Variants in KDM1B observed in about 807,000 individuals in gnomAD.
KDM1B encodes the protein lysine-specific histone demethylase 2.
Under a neutral mutation model 107.4 loss-of-function variants are expected in KDM1B, and 63 were observed. The ratio of observed to expected loss-of-function variants is 0.59; its 90% CI spans 0.48 to 0.72. The LOEUF (loss-of-function observed/expected upper bound fraction) is 0.72. Ranked by LOEUF, KDM1B falls within the 30% of genes least tolerant of loss-of-function variation. KDM1B has a pLI of 0.00. For synonymous variants in KDM1B, 363 were observed against 363.9 expected (o/e 1.00, Z 0.03); for missense variants, 749 against 1,020.8 (o/e 0.73, Z 3.63).
At position 18,223,138 on chromosome 6, in the gene KDM1B, A is replaced by G. The variant is rs1369037010; in HGVS notation, c.*1146A>G. 2.0e-5 allele frequency: 3 copies of G among 152,572 alleles called. No homozygotes were observed. Among genetic ancestry groups the G allele is most frequent in the Non-Finnish European group, 4.4e-5 (3 of 68,022 alleles). The allele number at this position is 152,572 out of a possible 1,614,324, so 9.5% of individuals were successfully genotyped here. A position where few individuals can be genotyped will look rare whatever the true frequency, so the allele number is the denominator to read the frequency against. On this transcript the variant is annotated 3_prime_UTR_variant, in exon 22 of 22. Transcript: ENST00000650836. ...CTATTTTGCCAAGAAACTTCAGTAT[A>G]CAGGTTAGAAATATGCTTTTGTTTT... is the stretch of plus-strand genomic sequence containing the variant.
chr6:18,195,994 C>T (rs918366211), intron 10 of KDM1B, among the ~76,000 whole-genome samples: 1 of 152,044 alleles, frequency 6.6e-6, no homozygotes, highest in South Asian at 2.1e-4. Flanking sequence ...CGCTATTCCC[C>T]CTCCCCTCAG....
Position 18,200,598 on chromosome 6 carries a change from G to A in KDM1B, c.1359+22G>A. ...ACAAGTGAGTTTCTTTTAGCTTTGT[G>A]TTGTAGATAAAGGAAAGAAAAACAG... On this transcript the variant is annotated intron_variant, in intron 13 of 21. Coordinates refer to ENST00000650836, the MANE Select transcript of KDM1B (RefSeq NM_001364614.2). The surrounding 1 kb of genome is among the most constrained non-coding windows in gnomAD (Gnocchi z 4.3). The A allele has an allele frequency of 6.3e-7, 1 of 1,598,978 alleles. No homozygotes were observed. Among genetic ancestry groups the A allele is most frequent in the Non-Finnish European group, 8.5e-7 (1 of 1,173,868 alleles).
rs1385624463 is a variant in KDM1B, at chr6:18,207,311, G to C, written c.1660-87G>C. 15 of 1,496,464 alleles carry C rather than the reference G, an allele frequency of 1.0e-5. No homozygotes were observed. The South Asian group carries it at 1.6e-4, about 16-fold the overall frequency. 92.7% of individuals were successfully genotyped at this position (1,496,464 alleles called of 1,614,324 possible). Reference sequence around the variant, plus strand: ...CCCCTGCCCTCCTGCCTTGGTGGCTGTTCCCACCTGGAGCTCCTCATATTG... The same window carrying C: ...CCCCTGCCCTCCTGCCTTGGTGGCTCTTCCCACCTGGAGCTCCTCATATTG... On this transcript the variant is annotated intron_variant, in intron 15 of 21. Transcript: ENST00000650836.
chr6:18,177,128 C>G (rs766448408), intron 7 of KDM1B, among the ~76,000 whole-genome samples: 5 of 152,028 alleles, frequency 3.3e-5, no homozygotes, highest in Non-Finnish European at 7.4e-5. Context: ...TTTTAATTAC[C>G]ATTTCAATCT....
Position 18,166,375 on chromosome 6 carries a change from C to T in KDM1B, c.414C>T (p.Tyr138=). 2 of 1,584,064 alleles carry T rather than the reference C, an allele frequency of 1.3e-6. No individual in the cohort carries two copies. Among genetic ancestry groups the T allele is most frequent in the Non-Finnish European group, 1.7e-6 (2 of 1,152,652 alleles). The change falls in exon 6 of 22, where the codon TAC becomes TAT. Residue 138 remains tyrosine, a synonymous_variant. Transcript: ENST00000650836. ...KAFMADQQLP[Y]WVQCTKPECR... ...TCATGGCAGACCAGCAACTCCCCTACTGGGTAAGGAGAGTGATGCTCTCTG... is the reference window on the plus strand; with the variant it reads ...TCATGGCAGACCAGCAACTCCCCTATTGGGTAAGGAGAGTGATGCTCTCTG...
At chr6:18,218,190 A>T (rs937944438) in intron 21 of KDM1B, among the ~76,000 whole-genome samples, 77 of 152,136 alleles carry the variant, frequency 5.1e-4, no homozygotes, top group Admixed American at 4.7e-3. Flanking sequence ...GTACAGTCCT[A>T]GCTCACTGCA....
chr6:18,214,684 T>G lies in KDM1B; in HGVS notation c.2110-323T>G, dbSNP rs1241165233. Among the ~76,000 whole-genome samples, 1 of 151,826 alleles carries G rather than the reference T, an allele frequency of 6.6e-6. No individual in the cohort carries two copies. The highest frequency in any genetic ancestry group is 6.6e-5 in the Admixed American group (1 of 15,234). The stretch of plus-strand genomic sequence containing the variant: ...CAGCACTTTGGGAGGCCGAGGTGGG[T>G]GGATCACCTGAGGTCAGGAGTTTGA... On this transcript the variant is annotated intron_variant, in intron 19 of 21. Coordinates refer to ENST00000650836, the MANE Select transcript of KDM1B (RefSeq NM_001364614.2). This position sits in a 1 kb window ranked among gnomAD's most constrained non-coding sequence, Gnocchi z 4.4.
At position 18,209,031 on chromosome 6, in the gene KDM1B, AT is replaced by A. The variant is rs1343551749; in HGVS notation, c.1866+832del. Reference sequence around the variant, plus strand: ...TTTACTTTTATTCTGTGCTCTCCACATTTTTTTAAACCACGGAATCCTTCTT... The same window carrying A: ...TTTACTTTTATTCTGTGCTCTCCACATTTTTTAAACCACGGAATCCTTCTT... On this transcript the variant is annotated intron_variant, in intron 17 of 21. Transcript: ENST00000650836. The surrounding 1 kb of genome is among the most constrained non-coding windows in gnomAD (Gnocchi z 4.3). Among the ~76,000 whole-genome samples the A allele has an allele frequency of 2.6e-5, 4 of 152,130 alleles. No individual in the cohort carries two copies. Among genetic ancestry groups the A allele is most frequent in the African/African-American group, 9.6e-5 (4 of 41,516 alleles).
chr6:18,162,827 AT>A lies in KDM1B; in HGVS notation c.216-4del. The A allele has an allele frequency of 6.5e-7, 1 of 1,537,838 alleles. No individual in the cohort carries two copies. The highest frequency in any genetic ancestry group is 9.0e-7 in the Non-Finnish European group (1 of 1,110,872). On this transcript the variant is annotated splice_region_variant and splice_polypyrimidine_tract_variant and intron_variant, in intron 4 of 21. Coordinates refer to ENST00000650836, the MANE Select transcript of KDM1B (RefSeq NM_001364614.2). The surrounding 1 kb of genome is among the most constrained non-coding windows in gnomAD (Gnocchi z 4.1). ...TTACCAAAGCTATATGTTTTTCACT[AT>A]TTTCAGATGTGCCAAAAATGGCTAC...
chr6:18,160,057 T>A, intron 3 of KDM1B, 75 bp downstream of exon 3: 1 of 966,622 alleles, frequency 1.0e-6, no homozygotes, highest in South Asian at 1.6e-5. Flanking sequence ...AGAATTAGAG[T>A]TGAAAAGATT....
rs1785318448 is a variant in KDM1B, at chr6:18,166,669, AG to A, written c.417+292del. On this transcript the variant is annotated intron_variant, in intron 6 of 21. Coordinates refer to ENST00000650836, the MANE Select transcript of KDM1B (RefSeq NM_001364614.2). The stretch of plus-strand genomic sequence containing the variant: ...CAAAGTGAGACCCTATCTCATAGTA[AG>A]ACCCCATCTTTACAAAAAAAAATTT... Among the ~76,000 whole-genome samples, 6 of 152,158 alleles carry A rather than the reference AG, an allele frequency of 3.9e-5. No homozygotes were observed. The South Asian group carries it at 1.2e-3, about 32-fold the overall frequency.
At position 18,205,778 on chromosome 6, in the gene KDM1B, G is replaced by C; in HGVS notation, c.1659+114G>C. ...GGAGGCCGAGGTGGGCAGATCATGAGGTCAGGAGATCGAGACCATCCTGGC... is the reference window on the plus strand; with the variant it reads ...GGAGGCCGAGGTGGGCAGATCATGACGTCAGGAGATCGAGACCATCCTGGC... On this transcript the variant is annotated intron_variant, in intron 15 of 21. Coordinates refer to ENST00000650836, the MANE Select transcript of KDM1B (RefSeq NM_001364614.2). This position sits in a 1 kb window ranked among gnomAD's most constrained non-coding sequence, Gnocchi z 5.7. 1 of 1,023,386 alleles carries C rather than the reference G, an allele frequency of 9.8e-7. No homozygotes were observed. The highest frequency in any genetic ancestry group is 2.1e-5 in the South Asian group (1 of 47,064). The allele number at this position is 1,023,386 out of a possible 1,614,324, so 63.4% of individuals were successfully genotyped here.
intron 8 of KDM1B, 37 bp from the exon 9 acceptor site, chr6:18,187,755 G>A: frequency 2.2e-6 from 3 of 1,372,918 alleles, no homozygotes; most frequent in Non-Finnish European, 3.0e-6. Context: ...TTTCTTGTCT[G>A]TCCTTGTCTC....
In KDM1B at chr6:18,171,540, G is replaced by A; in HGVS notation, c.534+61G>A. On this transcript the variant is annotated intron_variant, in intron 7 of 21. Coordinates refer to ENST00000650836, the MANE Select transcript of KDM1B (RefSeq NM_001364614.2). Reference sequence around the variant, plus strand: ...ATTAATGTAGTCAGTAAATAGTAATGGTGTATATGTTTTTCATGTATTGTG... The same window carrying A: ...ATTAATGTAGTCAGTAAATAGTAATAGTGTATATGTTTTTCATGTATTGTG... The A allele has an allele frequency of 3.4e-6, 3 of 894,068 alleles. No homozygotes were observed. In the South Asian group the frequency reaches 4.0e-5, roughly 12 times the overall value. The allele number at this position is 894,068 out of a possible 1,614,324, so 55.4% of individuals were successfully genotyped here.
At position 18,212,453 on chromosome 6, in the gene KDM1B, C is replaced by A; in HGVS notation, c.1867-35C>A. 1 of 1,238,330 alleles carries A rather than the reference C, an allele frequency of 8.1e-7. No homozygotes were observed. The highest frequency in any genetic ancestry group is 1.2e-6 in the Non-Finnish European group (1 of 837,226). The allele number at this position is 1,238,330 out of a possible 1,614,324, so 76.7% of individuals were successfully genotyped here. A position where few individuals can be genotyped will look rare whatever the true frequency, so the allele number is the denominator to read the frequency against. On this transcript the variant is annotated intron_variant, in intron 17 of 21. Coordinates refer to ENST00000650836, the MANE Select transcript of KDM1B (RefSeq NM_001364614.2). The surrounding 1 kb of genome is among the most constrained non-coding windows in gnomAD (Gnocchi z 5.2). The stretch of plus-strand genomic sequence containing the variant: ...GTAGTGGTAGTGTGAGGTTCTGTTG[C>A]TGTTTGTTTGTTAACTGTTAATTAT...
rs1186371704 is a variant in KDM1B, at chr6:18,209,819, G to T, written c.1866+1613G>T. ...CAAGTGATTCCAGTGTGCAGCCGTGGTTGAGAACCTTGTCTGCAGTGACCT... is the reference window on the plus strand; with the variant it reads ...CAAGTGATTCCAGTGTGCAGCCGTGTTTGAGAACCTTGTCTGCAGTGACCT... On this transcript the variant is annotated intron_variant, in intron 17 of 21. Coordinates refer to ENST00000650836, the MANE Select transcript of KDM1B (RefSeq NM_001364614.2). This position sits in a 1 kb window ranked among gnomAD's most constrained non-coding sequence, Gnocchi z 4.3. 6.6e-6 allele frequency among the ~76,000 whole-genome samples: 1 copy of T among 152,172 alleles called. No individual in the cohort carries two copies. The highest frequency in any genetic ancestry group is 6.5e-5 in the Admixed American group (1 of 15,278).
At position 18,197,562 on chromosome 6, in the gene KDM1B, G is replaced by T. The variant is rs1309544275; in HGVS notation, c.1147-25G>T. ...ACGTTGTTATCATCTGCTCTAATTG[G>T]ACTTTTGTTTCTTTTCTTTTTAAGA... On this transcript the variant is annotated intron_variant, in intron 11 of 21. Coordinates refer to ENST00000650836, the MANE Select transcript of KDM1B (RefSeq NM_001364614.2). This position sits in a 1 kb window ranked among gnomAD's most constrained non-coding sequence, Gnocchi z 4.5. The T allele has an allele frequency of 3.1e-6, 5 of 1,591,558 alleles. No homozygotes were observed. In the South Asian group the frequency reaches 5.5e-5, roughly 18 times the overall value.
chr6:18,206,738 G>A (rs559928866), intron 15 of KDM1B, among the ~76,000 whole-genome samples: 8 of 152,114 alleles, frequency 5.3e-5, no homozygotes, highest in African/African-American at 1.2e-4. Context: ...TCTCTTTACC[G>A]TCCTTTCCCT....
At chr6:18,156,420 C>G (rs777282336) in intron 2 of KDM1B, among the ~76,000 whole-genome samples, 1 of 152,144 alleles carries the variant, frequency 6.6e-6, no homozygotes, top group Non-Finnish European at 1.5e-5. Context: ...TTGGGGAATC[C>G]CCCACACCAC....
Sources: gnomAD v4.1 joint callset for allele counts (sites outside exome capture counted in the v4.1 genomes callset) on GRCh38, gnomAD v4.1.1 for gene constraint, Gnocchi (gnomAD v3.1) non-coding constraint, MANE v1.5 for transcripts, NCBI Gene and HGNC (gene_info 2026-07-23, HGNC 2026-07-21) for gene names.